TPH1: variants seen among roughly 807,000 people sequenced by gnomAD.
TPH1 encodes the protein tryptophan hydroxylase 1, also known as tryptophan 5-hydroxylase 1.
TPH1 carries 37 observed loss-of-function variants against 49.5 expected under a neutral mutation model. The observed-to-expected ratio is 0.75, with a 90% CI of 0.58 to 0.98. TPH1 has a LOEUF of 0.98. Among genes scored for constraint, TPH1 ranks in the 50% least tolerant of loss-of-function variants. The pLI is 0.00. For missense variants in TPH1, 487 were observed against 523.6 expected (o/e 0.93, Z 0.68); for synonymous variants, 160 against 182.1 (o/e 0.88, Z 0.98).
At chr11:18,028,724 G>C (rs540939355) in intron 6 of TPH1, among the ~76,000 whole-genome samples, 1 of 152,228 alleles carries the variant, frequency 6.6e-6, no homozygotes, top group African/African-American at 2.4e-5. Flanking sequence ...GACAGAGTAC[G>C]GGAAAATTCT....
chr11:18,020,874 C>G lies in TPH1; in HGVS notation c.*117G>C. ...TAGTGATTCCTTAAGTAGTGGAATT[C>G]GATAATATTGTTTGGCCAGAAGATG... On this transcript the variant is annotated 3_prime_UTR_variant, in exon 11 of 11. Transcript: ENST00000682019. 1 of 949,690 alleles carries G rather than the reference C, an allele frequency of 1.1e-6. No individual in the cohort carries two copies. The highest frequency in any genetic ancestry group is 1.3e-5 in the South Asian group (1 of 74,526). 58.8% of individuals were successfully genotyped at this position (949,690 alleles called of 1,614,324 possible).
chr11:18,032,378 G>A (rs1431594829), intron 4 of TPH1, among the ~76,000 whole-genome samples: 6 of 151,888 alleles, frequency 4.0e-5, no homozygotes, highest in Non-Finnish European at 8.8e-5. Context: ...AAAACTGATT[G>A]CAGATGCTGT....
intron 6 of TPH1, among the ~76,000 whole-genome samples, chr11:18,028,374 C>A (rs938999265): frequency 1.3e-5 from 2 of 152,150 alleles, no homozygotes; most frequent in African/African-American, 4.8e-5. Context: ...ATGAACACCC[C>A]CACGGATGAG....
intron 1 of TPH1, among the ~76,000 whole-genome samples, chr11:18,043,808 G>T (rs1848118319): frequency 6.6e-6 from 1 of 151,934 alleles, no homozygotes; most frequent in Non-Finnish European, 1.5e-5. Context: ...CTAGGCTGCA[G>T]TGATCCATGA....
At chr11:18,033,070 T>A (rs1048509168) in intron 4 of TPH1, among the ~76,000 whole-genome samples, 1 of 152,106 alleles carries the variant, frequency 6.6e-6, no homozygotes, top group East Asian at 1.9e-4. Flanking sequence ...CTGGCCAACA[T>A]GGTGAAACCC....
chr11:18,041,011 G>GT (rs1366291408), intron 1 of TPH1: 66 of 369,330 alleles, frequency 1.8e-4, no homozygotes, highest in Admixed American at 2.2e-4. Flanking sequence ...GTTCCCTTTT[G>GT]TTTTTTTTCT....
At chr11:18,023,167 C>T (rs1159044337) in intron 9 of TPH1, 3 of 493,898 alleles carry the variant, frequency 6.1e-6, no homozygotes, top group African/African-American at 3.9e-5. Flanking sequence ...TTCCTCTCTT[C>T]TTTGTGTAAA....
intron 1 of TPH1, among the ~76,000 whole-genome samples, chr11:18,045,038 G>A (rs1172309186): frequency 6.6e-6 from 1 of 152,156 alleles, no homozygotes; most frequent in African/African-American, 2.4e-5. Context: ...CCTTGGGAGA[G>A]GTCAAGGCGT....
intron 3 of TPH1, among the ~76,000 whole-genome samples, chr11:18,033,898 C>T (rs961410624): frequency 6.6e-6 from 1 of 152,142 alleles, no homozygotes; most frequent in Non-Finnish European, 1.5e-5. Flanking sequence ...CACTCCCATT[C>T]CCTGCCCCAC....
intron 8 of TPH1, among the ~76,000 whole-genome samples, chr11:18,024,976 C>A (rs1435133017): frequency 6.6e-6 from 1 of 152,142 alleles, no homozygotes; most frequent in East Asian, 1.9e-4. Flanking sequence ...CCCAGGAAAC[C>A]TTCCCCAGGT....
intron 1 of TPH1, among the ~76,000 whole-genome samples, chr11:18,046,024 A>G (rs1447886168): frequency 6.6e-6 from 1 of 152,194 alleles, no homozygotes; most frequent in Non-Finnish European, 1.5e-5. Flanking sequence ...CCTGGCACAC[A>G]GGAGGCACTC....
intron 1 of TPH1, chr11:18,042,410 G>A: frequency 2.2e-6 from 1 of 452,078 alleles, no homozygotes; most frequent in Non-Finnish European, 4.4e-6. Flanking sequence ...CAAACACAGA[G>A]TATGGGCGAC....
chr11:18,023,108 C>T, intron 9 of TPH1, 177 bp from the exon 10 acceptor site: 1 of 636,526 alleles, frequency 1.6e-6, no homozygotes, highest in Non-Finnish European at 2.7e-6. Context: ...AAAAAAATGG[C>T]TTGCCCTTCC....
At chr11:18,037,244 G>A (rs1848055849) in intron 2 of TPH1, among the ~76,000 whole-genome samples, 1 of 151,970 alleles carries the variant, frequency 6.6e-6, no homozygotes. Flanking sequence ...AGTAGTCCCA[G>A]CTACTCGGGA....
In TPH1 at chr11:18,036,109, G is replaced by A. The variant is rs767768560; in HGVS notation, c.151C>T (p.Arg51Ter). The part of the protein sequence containing the change: ...KHVNLLHIES[R>*]KSKRRNSEFE... ...TCTGAGTTTCTTCTTTTTGATTTTC[G>A]GGACTCGATATGTAACAGATTCACA... The change falls in exon 3 of 11, where the codon CGA becomes TGA. Residue 51 changes from arginine (R) to a stop codon, truncating the protein, a stop_gained. Transcript: ENST00000682019. LOFTEE classifies it high-confidence loss of function. 12 of 1,613,070 alleles carry A rather than the reference G, an allele frequency of 7.4e-6. No homozygotes were observed. The highest frequency in any genetic ancestry group is 2.2e-5 in the East Asian group (1 of 44,810).
intron 8 of TPH1, 36 bp from the exon 9 acceptor site, chr11:18,024,019 ACG>A: frequency 6.8e-7 from 1 of 1,469,518 alleles, no homozygotes; most frequent in Non-Finnish European, 9.5e-7. Flanking sequence ...TCACACACTG[ACG>A]AATTCAACTT....
intron 4 of TPH1, among the ~76,000 whole-genome samples, chr11:18,030,290 T>C (rs1182864639): frequency 6.6e-6 from 1 of 151,936 alleles, no homozygotes; most frequent in African/African-American, 2.4e-5. Context: ...AGTGTGATGG[T>C]GCATGCCTGT....
Position 18,036,120 on chromosome 11 carries a change from T to G in TPH1, c.140A>C (p.His47Pro), listed in dbSNP as rs765081542. ...TCTTTTTGATTTTCGGGACTCGATA[T>G]GTAACAGATTCACATGCTTCTCCTG... ...IFQEKHVNLL[H>P]IESRKSKRRN... Residue 47 changes from histidine to proline, a missense_variant, in exon 3 of 11, where the codon CAT becomes CCT. His to Pro is a moderately conservative substitution (Grantham distance 77). Coordinates refer to ENST00000682019, the MANE Select transcript of TPH1 (RefSeq NM_004179.3). 1.2e-5 allele frequency: 20 copies of G among 1,613,282 alleles called. No individual in the cohort carries two copies. The highest frequency in any genetic ancestry group is 1.5e-5 in the Non-Finnish European group (18 of 1,179,814).
rs968894026 is a variant in TPH1, at chr11:18,020,690, T to C, written c.*301A>G. 2.6e-5 allele frequency: 9 copies of C among 350,000 alleles called. No homozygotes were observed. The highest frequency in any genetic ancestry group is 8.4e-5 in the South Asian group (3 of 35,510). The allele number at this position is 350,000 out of a possible 1,614,324, so 21.7% of individuals were successfully genotyped here. Reference sequence around the variant, plus strand: ...TAGAGTTAGGCTGAGATTAGATCTATCTATTGGGTCAAACAACTTCTCTAT... The same window carrying C: ...TAGAGTTAGGCTGAGATTAGATCTACCTATTGGGTCAAACAACTTCTCTAT... On this transcript the variant is annotated 3_prime_UTR_variant, in exon 11 of 11. Transcript: ENST00000682019.
Sources: allele counts gnomAD v4.1 joint callset (sites outside exome capture counted in the v4.1 genomes callset), GRCh38; gene constraint gnomAD v4.1.1; transcripts MANE v1.5; gene names NCBI Gene and HGNC (gene_info 2026-07-23, HGNC 2026-07-21).